Variants in KICS2 observed in about 807,000 individuals in gnomAD.
KICS2 encodes KICSTOR subunit 2, also known as KICSTOR complex protein C12orf66.
In KICS2, 13 loss-of-function variants were observed where a neutral mutation model predicts 31.4. The ratio of observed to expected loss-of-function variants is 0.41; its 90% CI spans 0.27 to 0.66. The LOEUF is 0.66. KICS2 is among the 30% of genes least tolerant of loss of function. The pLI, the probability that KICS2 is intolerant of heterozygous loss-of-function variation, is 0.28. For synonymous variants in KICS2, 209 were observed against 214.8 expected (o/e 0.97, Z 0.24); for missense variants, 455 against 545.4 (o/e 0.83, Z 1.65).
chr12:64,202,111 A>G (rs918091741), intron 2 of KICS2, among the ~76,000 whole-genome samples: 8 of 149,872 alleles, frequency 5.3e-5, no homozygotes, highest in African/African-American at 2.0e-4. Context: ...CAAAATGTAT[A>G]AAAGTTTTTG....
chr12:64,211,086 C>T (rs2037578611), intron 2 of KICS2, among the ~76,000 whole-genome samples: 1 of 152,100 alleles, frequency 6.6e-6, no homozygotes, highest in African/African-American at 2.4e-5. Flanking sequence ...GTTCAGCAAA[C>T]CACTTTTACA....
intron 1 of KICS2, 149 bp from the exon 2 acceptor site, chr12:64,216,112 A>G: frequency 3.3e-6 from 2 of 610,412 alleles, no homozygotes; most frequent in Non-Finnish European, 5.6e-6. Context: ...ATTGAGATAT[A>G]AATACTTTAT....
chr12:64,186,528 T>C (rs1234132015), downstream of KICS2: 6 of 152,212 alleles, frequency 3.9e-5, no homozygotes, highest in Admixed American at 6.5e-5. Context: ...TTTCACTGGA[T>C]ACATTTAAAA....
At chr12:64,212,330 G>C (rs954916424) in intron 2 of KICS2, among the ~76,000 whole-genome samples, 5 of 152,042 alleles carry the variant, frequency 3.3e-5, no homozygotes, top group African/African-American at 1.2e-4. Context: ...CCAACTCCTG[G>C]CAACCATTTT....
At chr12:64,190,054 T>C (rs915420952), downstream of KICS2, among the ~76,000 whole-genome samples, 1 of 152,094 alleles carries the variant, frequency 6.6e-6, no homozygotes, top group Non-Finnish European at 1.5e-5. Context: ...ACCACAAAGA[T>C]TCTAAAATAG....
At chr12:64,202,700 A>G (rs1334047573) in intron 2 of KICS2, among the ~76,000 whole-genome samples, 1 of 150,290 alleles carries the variant, frequency 6.7e-6, no homozygotes, top group Non-Finnish European at 1.5e-5. Flanking sequence ...ATTTTCTACT[A>G]TACATATTAA....
intron 1 of KICS2, among the ~76,000 whole-genome samples, chr12:64,220,441 A>C (rs1326831850): frequency 6.6e-6 from 1 of 152,172 alleles, no homozygotes; most frequent in Non-Finnish European, 1.5e-5. Context: ...AGAAAATTCA[A>C]CTGAACCCAC....
intron 2 of KICS2, among the ~76,000 whole-genome samples, chr12:64,203,971 C>T (rs758786960): frequency 3.8e-4 from 58 of 152,284 alleles, no homozygotes; most frequent in Non-Finnish European, 5.1e-4. Context: ...TTTGCAGGGA[C>T]ACGGATGAAG....
intron 2 of KICS2, among the ~76,000 whole-genome samples, chr12:64,212,725 A>G (rs911659268): frequency 6.6e-6 from 1 of 152,204 alleles, no homozygotes; most frequent in Non-Finnish European, 1.5e-5. Context: ...ATCATATGGT[A>G]ACTATGTTCA....
At chr12:64,210,602 C>T (rs931816302) in intron 2 of KICS2, among the ~76,000 whole-genome samples, 2 of 152,000 alleles carry the variant, frequency 1.3e-5, no homozygotes, top group Non-Finnish European at 2.9e-5. Context: ...ATAGTGAGAC[C>T]CTGTCTCTGC....
At chr12:64,219,362 TC>T (rs2037657759) in intron 1 of KICS2, among the ~76,000 whole-genome samples, 1 of 152,250 alleles carries the variant, frequency 6.6e-6, no homozygotes, top group South Asian at 2.1e-4. Context: ...CACTGATCCT[TC>T]CCCAAACAGG....
At position 64,192,552 on chromosome 12, in the gene KICS2, C is replaced by T; in HGVS notation, c.*1290G>A. 1.1e-6 allele frequency: 1 copy of T among 949,684 alleles called. No individual in the cohort carries two copies. The highest frequency in any genetic ancestry group is 1.3e-6 in the Non-Finnish European group (1 of 797,398). The allele number at this position is 949,684 out of a possible 1,614,324, so 58.8% of individuals were successfully genotyped here. A position where few individuals can be genotyped will look rare whatever the true frequency, so the allele number is the denominator to read the frequency against. On this transcript the variant is annotated 3_prime_UTR_variant, in exon 3 of 3. Coordinates refer to ENST00000398055, the MANE Select transcript of KICS2 (RefSeq NM_152440.5). ...CTGTGGACACCCAGTAAAACAGTGG[C>T]TCCACACAATCATGGGAAAAAAGAC...
chr12:64,198,843 A>G (rs1268441589), intron 2 of KICS2, among the ~76,000 whole-genome samples: 1 of 150,902 alleles, frequency 6.6e-6, no homozygotes. Context: ...AATAAACTAG[A>G]AAATCTAGAC....
Position 64,203,698 on chromosome 12 carries a change from TA to T in KICS2, c.522-9041del, listed in dbSNP as rs201069231. 7.9e-3 allele frequency among the ~76,000 whole-genome samples: 1,206 copies of T among 152,172 alleles called. 18 individuals carry two copies. Among genetic ancestry groups the T allele is most frequent in the African/African-American group, 0.026 (1,092 of 41,500 alleles). On this transcript the variant is annotated intron_variant, in intron 2 of 2. Transcript: ENST00000398055. ...AAATCACAAGTGTATCTAGAATTTT[TA>T]AAAAAAATCTATTTAAGTACTAATT...
rs200046866 is a variant in KICS2, at chr12:64,222,031, G to C, written c.207C>G (p.His69Gln). 1.2e-4 allele frequency: 191 copies of C among 1,613,696 alleles called. No homozygotes were observed. The highest frequency in any genetic ancestry group is 5.0e-5 in the Admixed American group (3 of 59,972). Residue 69 changes from histidine (H) to glutamine (Q), a missense_variant, in exon 1 of 3, where the codon CAC becomes CAG. By Grantham distance (24) the His-to-Gln change is conservative. Coordinates refer to ENST00000398055, the MANE Select transcript of KICS2 (RefSeq NM_152440.5). ...AHLAAAEKVY[H>Q]SLTYLGQKLG... is the part of the protein sequence containing the mutation. The stretch of plus-strand genomic sequence containing the variant: ...GTTTCTGCCCCAGGTAGGTGAGGCT[G>C]TGATAGACCTTCTCGGCCGCGGCCA...
intron 2 of KICS2, among the ~76,000 whole-genome samples, chr12:64,206,994 G>T (rs1307717565): frequency 1.3e-5 from 2 of 151,952 alleles, no homozygotes; most frequent in Non-Finnish European, 2.9e-5. Context: ...TACTGAACTG[G>T]ATACATAAAA....
intron 2 of KICS2, among the ~76,000 whole-genome samples, chr12:64,196,331 C>T (rs1376235043): frequency 2.6e-5 from 4 of 151,756 alleles, no homozygotes; most frequent in African/African-American, 7.3e-5. Context: ...CACCCCCCAG[C>T]AGGGGCAGAC....
rs181472691 is a variant in KICS2, at chr12:64,213,238, C to G, written c.521+2440G>C. Among the ~76,000 whole-genome samples, 14 of 152,220 alleles carry G rather than the reference C, an allele frequency of 9.2e-5. No individual in the cohort carries two copies. In the East Asian group the frequency reaches 1.7e-3, roughly 19 times the overall value. ...TCCTAGCAAGAGGATGTAGTAAATG[C>G]TTCCTAGGTCTTCTGAAGAACTAAT... On this transcript the variant is annotated intron_variant, in intron 2 of 2. Coordinates refer to ENST00000398055, the MANE Select transcript of KICS2 (RefSeq NM_152440.5).
chr12:64,189,528 C>G (rs999903342), downstream of KICS2, among the ~76,000 whole-genome samples: 2 of 152,136 alleles, frequency 1.3e-5, no homozygotes, highest in Non-Finnish European at 2.9e-5. Flanking sequence ...CTGTAAAAAC[C>G]TTACACGAGA....
Sources: gnomAD v4.1 joint callset for allele counts (sites outside exome capture counted in the v4.1 genomes callset) on GRCh38, gnomAD v4.1.1 for gene constraint, MANE v1.5 for transcripts, NCBI Gene and HGNC (gene_info 2026-07-23, HGNC 2026-07-21) for gene names.